Variants in DENND3 observed in about 807,000 individuals in gnomAD.
DENND3 encodes the protein DENN domain-containing protein 3.
DENND3 carries 88 observed loss-of-function variants against 135.1 expected under a neutral mutation model. That is an observed-to-expected ratio of 0.65 (90% confidence interval 0.55 to 0.78). DENND3 has a LOEUF of 0.78. Among genes scored for constraint, DENND3 ranks in the 30% least tolerant of loss-of-function variants. DENND3 has a pLI of 0.00. For missense variants in DENND3, 1,392 were observed against 1,688.4 expected (o/e 0.82, Z 3.08); for synonymous variants, 693 against 712.3 (o/e 0.97, Z 0.43).
chr8:141,185,405 G>C (rs1823768324), intron 18 of DENND3, 127 bp downstream of exon 18: 1 of 1,288,082 alleles, frequency 7.8e-7, no homozygotes, highest in Non-Finnish European at 1.1e-6. Context: ...TCTGTAAACA[G>C]GGGGTCTTAA....
chr8:141,132,374 G>A (rs1300352155), intron 1 of DENND3, among the ~76,000 whole-genome samples: 2 of 151,650 alleles, frequency 1.3e-5, no homozygotes, highest in Non-Finnish European at 2.9e-5. Context: ...TTTTTTTGTG[G>A]GGGATGGAGT....
intron 5 of DENND3, among the ~76,000 whole-genome samples, chr8:141,148,311 T>A (rs1183104918): frequency 6.6e-6 from 1 of 152,146 alleles, no homozygotes; most frequent in African/African-American, 2.4e-5. Context: ...GTGCCTTGAT[T>A]CCCTGGTTCC....
At chr8:141,188,582 A>AT (rs1824245354) in intron 18 of DENND3, 1 of 170,406 alleles carries the variant, frequency 5.9e-6, no homozygotes, top group Non-Finnish European at 1.2e-5. Flanking sequence ...CAGTTTTCAC[A>AT]TTTTTTGCTT....
chr8:141,150,605 GCTTA>G (rs1168589270), intron 5 of DENND3, among the ~76,000 whole-genome samples: 1 of 152,170 alleles, frequency 6.6e-6, no homozygotes, highest in East Asian at 1.9e-4. Flanking sequence ...AGGAATTTTG[GCTTA>G]CTTAGAAAAA....
At chr8:141,133,368 G>A (rs989003370) in intron 1 of DENND3, among the ~76,000 whole-genome samples, 3 of 152,154 alleles carry the variant, frequency 2.0e-5, no homozygotes, top group Non-Finnish European at 4.4e-5. Flanking sequence ...ATGATGTGGC[G>A]AAACAAACAC....
intron 15 of DENND3, chr8:141,177,855 C>T (rs1822596364): frequency 1.8e-6 from 1 of 562,294 alleles, no homozygotes; most frequent in Non-Finnish European, 2.8e-6. Context: ...CTAGAAAACA[C>T]TGGCTGAGCC....
intron 19 of DENND3, among the ~76,000 whole-genome samples, chr8:141,189,798 G>C (rs896930230): frequency 1.1e-4 from 16 of 152,206 alleles, no homozygotes; most frequent in South Asian, 6.2e-4. Context: ...AGGTTCAGGG[G>C]TGGCGCAGGG....
intron 19 of DENND3, among the ~76,000 whole-genome samples, 178 bp from the exon 20 acceptor site, chr8:141,190,106 T>TCACGTTTG (rs1824506055): frequency 6.6e-6 from 1 of 151,028 alleles, no homozygotes; most frequent in African/African-American, 2.4e-5. Flanking sequence ...CATGTTATTA[T>TCACGTTTG]CATGTTTGCA....
In DENND3 at chr8:141,179,630, C is replaced by T. The variant is rs1393820460; in HGVS notation, c.2837-1117C>T. On this transcript the variant is annotated intron_variant, in intron 16 of 22. Coordinates refer to ENST00000519811, the MANE Select transcript of DENND3 (RefSeq NM_001352890.3). The stretch of plus-strand genomic sequence containing the variant: ...AATAATACCCGAAGATGTCATAGTC[C>T]GAGGCAGGAGCTGAAGAGGCGTTGG... Among the ~76,000 whole-genome samples the T allele has an allele frequency of 6.6e-5, 10 of 152,178 alleles. No homozygotes were observed. In the East Asian group the frequency reaches 7.7e-4, roughly 12 times the overall value.
chr8:141,157,325 A>C, intron 8 of DENND3: 1 of 985,408 alleles, frequency 1.0e-6, no homozygotes, highest in Non-Finnish European at 1.2e-6. Context: ...GTGTGCCCCA[A>C]GCAGTGACTC....
At chr8:141,158,868 C>T (rs1022936960) in intron 8 of DENND3, among the ~76,000 whole-genome samples, 2 of 152,158 alleles carry the variant, frequency 1.3e-5, no homozygotes, top group South Asian at 4.1e-4. Context: ...GCATGGGGTT[C>T]CGGGAGAGGG....
Position 141,167,976 on chromosome 8 carries a change from G to T in DENND3, c.1754-28G>T, listed in dbSNP as rs28379369. ...GTTCATTTGGAAGGTCTGTGCTAAT[G>T]GTCTCCTTTTCCCCCTGAATGTTTT... On this transcript the variant is annotated intron_variant, in intron 12 of 22. Coordinates refer to ENST00000519811, the MANE Select transcript of DENND3 (RefSeq NM_001352890.3). The surrounding 1 kb of genome is among the most constrained non-coding windows in gnomAD (Gnocchi z 4.1). 1.6e-3 allele frequency: 2,566 copies of T among 1,588,454 alleles called. 41 individuals carry two copies. In the African/African-American group the frequency reaches 0.03, roughly 19 times the overall value.
At position 141,155,966 on chromosome 8, in the gene DENND3, C is replaced by G. The variant is rs781077590; in HGVS notation, c.1192C>G (p.Gln398Glu). The G allele has an allele frequency of 1.2e-5, 20 of 1,605,844 alleles. 1 individual carries two copies. The South Asian group carries it at 2.2e-4, about 18-fold the overall frequency. The change falls in exon 8 of 23, where the codon CAG becomes GAG. Residue 398 changes from glutamine (Q) to glutamate (E), a missense_variant. By Grantham distance (29) the Gln-to-Glu change is conservative. Coordinates refer to ENST00000519811, the MANE Select transcript of DENND3 (RefSeq NM_001352890.3). The stretch of plus-strand genomic sequence containing the variant: ...CCTCCTGGCAGCCCAGACGTTTATT[C>G]AGAGGTAACGGGAAACATTAATGGT... ...VPLLAAQTFIQRVQSLQLHHE... is the reference protein window; with the variant it reads ...VPLLAAQTFIERVQSLQLHHE...
In DENND3 at chr8:141,128,741, C is replaced by T. The variant is rs1032245194; in HGVS notation, c.34C>T (p.Pro12Ser). 1.4e-6 allele frequency: 2 copies of T among 1,446,306 alleles called. No homozygotes were observed. Among genetic ancestry groups the T allele is most frequent in the South Asian group, 1.3e-5 (1 of 74,668 alleles). 89.6% of individuals were successfully genotyped at this position (1,446,306 alleles called of 1,614,324 possible). ...GGCCGCGTCGCCGCACTTGTCGCTG[C>T]CCTCGGGGCTGCTGGAGCTCTGCGC... ...AEAASPHLSL[P>S]SGLLELCALL... Residue 12 changes from proline (P) to serine (S), a missense_variant, in exon 1 of 23, where the codon CCC becomes TCC. Physicochemically the swap from Pro to Ser is moderately conservative, Grantham distance 74. Coordinates refer to ENST00000519811, the MANE Select transcript of DENND3 (RefSeq NM_001352890.3). The surrounding 1 kb of genome is among the most constrained non-coding windows in gnomAD (Gnocchi z 4.5).
chr8:141,136,841 CAG>C, intron 2 of DENND3, 50 bp downstream of exon 2: 1 of 1,484,776 alleles, frequency 6.7e-7, no homozygotes, highest in South Asian at 1.4e-5. Flanking sequence ...GCCGGCCACC[CAG>C]AGTGGTCTAT....
rs758423372 is a variant in DENND3, at chr8:141,192,619, G to A, written c.3592G>A (p.Glu1198Lys). Residue 1198 changes from glutamate (E) to lysine (K), a missense_variant, in exon 22 of 23, where the codon GAG (glutamate) becomes AAG (lysine). Glu to Lys is a moderately conservative substitution (Grantham distance 56). Transcript: ENST00000519811. Reference sequence around the variant, plus strand: ...CCAGCCCCCGCAGAGGGTGCCCCTCGAGGACTGCTCTGAGATCAACTGCAT... The same window carrying A: ...CCAGCCCCCGCAGAGGGTGCCCCTCAAGGACTGCTCTGAGATCAACTGCAT... ...LAQPPQRVPL[E>K]DCSEINCMIR... The A allele has an allele frequency of 2.1e-5, 33 of 1,599,508 alleles. No individual in the cohort carries two copies. The Admixed American group carries it at 2.4e-4, about 11-fold the overall frequency.
intron 18 of DENND3, chr8:141,188,300 A>G (rs1824196821): frequency 6.6e-6 from 1 of 152,296 alleles, no homozygotes; most frequent in South Asian, 2.1e-4. Flanking sequence ...GACTTTGCTT[A>G]GCTTAGACAG....
chr8:141,186,708 A>G lies in DENND3; in HGVS notation c.3084+1430A>G, dbSNP rs1823938356. Among the ~76,000 whole-genome samples the G allele has an allele frequency of 3.3e-5, 5 of 152,316 alleles. No individual in the cohort carries two copies. In the South Asian group the frequency reaches 1.0e-3, roughly 32 times the overall value. On this transcript the variant is annotated intron_variant, in intron 18 of 22. Coordinates refer to ENST00000519811, the MANE Select transcript of DENND3 (RefSeq NM_001352890.3). ...GTGCAACTGTTAATACATTTTTAGTAGTGTGTCCTTGGCAGTGCCATGGTG... is the reference window on the plus strand; with the variant it reads ...GTGCAACTGTTAATACATTTTTAGTGGTGTGTCCTTGGCAGTGCCATGGTG...
intron 22 of DENND3, chr8:141,193,707 T>C (rs2154613617): frequency 2.4e-6 from 1 of 408,166 alleles, no homozygotes; most frequent in South Asian, 3.4e-5. Flanking sequence ...TCAGTATACA[T>C]TGTGAAATAA....
Sources: allele counts gnomAD v4.1 joint callset (sites outside exome capture counted in the v4.1 genomes callset), GRCh38; gene constraint gnomAD v4.1.1; non-coding constraint Gnocchi (gnomAD v3.1); transcripts MANE v1.5; gene names NCBI Gene and HGNC (gene_info 2026-07-23, HGNC 2026-07-21).